Variants in PDZD7 observed in about 807,000 individuals in gnomAD.
The protein encoded by PDZD7 is PDZ domain-containing protein 7.
In PDZD7, 72 loss-of-function variants were observed where a neutral mutation model predicts 84.7. That is an observed-to-expected ratio of 0.85 (90% CI 0.70 to 1.03). The LOEUF (loss-of-function observed/expected upper bound fraction) is 1.03. Ranked by LOEUF, PDZD7 falls within the 50% of genes least tolerant of loss-of-function variation. The pLI is 0.00. For missense variants in PDZD7, 1,490 were observed against 1,412.9 expected (o/e 1.05, Z -0.87); for synonymous variants, 594 against 580.7 (o/e 1.02, Z -0.33).
intron 11 of PDZD7, among the ~76,000 whole-genome samples, chr10:101,015,286 C>T (rs1371584672): frequency 1.3e-5 from 2 of 152,182 alleles, no homozygotes; most frequent in Non-Finnish European, 2.9e-5. Flanking sequence ...CCTGTCCGCT[C>T]CTTCTCTTCT....
At chr10:101,016,660 T>C (rs1852644388) in intron 9 of PDZD7, among the ~76,000 whole-genome samples, 1 of 152,234 alleles carries the variant, frequency 6.6e-6, no homozygotes, top group South Asian at 2.1e-4. Flanking sequence ...GTCTGAGCAC[T>C]GCTTATGCAA....
At position 101,007,763 on chromosome 10, in the gene PDZD7, A is replaced by G; in HGVS notation, c.*704T>C. On this transcript the variant is annotated 3_prime_UTR_variant, in exon 17 of 17. Coordinates refer to ENST00000619208, the MANE Select transcript of PDZD7 (RefSeq NM_001195263.2). The stretch of plus-strand genomic sequence containing the variant: ...GGTTTATGGCCTCGTTTTCACTTGT[A>G]TATTTTTCACACTGTAAATTTCTTG... The G allele has an allele frequency of 1.7e-6, 1 of 588,752 alleles. No homozygotes were observed. Among genetic ancestry groups the G allele is most frequent in the Non-Finnish European group, 2.2e-6 (1 of 460,492 alleles). 36.5% of individuals were successfully genotyped at this position (588,752 alleles called of 1,614,324 possible). A position where few individuals can be genotyped will look rare whatever the true frequency, so the allele number is the denominator to read the frequency against.
At chr10:101,029,563 A>C (rs1360408488) in intron 2 of PDZD7, among the ~76,000 whole-genome samples, 1 of 152,200 alleles carries the variant, frequency 6.6e-6, no homozygotes, top group Non-Finnish European at 1.5e-5. Context: ...GACTCCTCGC[A>C]GCCCAGCACA....
In PDZD7 at chr10:101,011,929, C is replaced by T. The variant is rs560900265; in HGVS notation, c.1929G>A (p.Arg643=). Reference sequence around the variant, plus strand: ...GCCCCGCCCCCCACTGCTGACCTGCCCTGCTCTTGAGGGCCTCAAAAGCCT... The same window carrying T: ...GCCCCGCCCCCCACTGCTGACCTGCTCTGCTCTTGAGGGCCTCAAAAGCCT... The part of the protein sequence containing the change: ...ELEAFEALKS[R]AVRPPALRPA... Residue 643 remains arginine, a synonymous_variant, in exon 13 of 17, where the codon AGG becomes AGA. Transcript: ENST00000619208. 90 of 1,550,236 alleles carry T rather than the reference C, an allele frequency of 5.8e-5. 1 individual carries two copies. In the African/African-American group the frequency reaches 1.0e-3, roughly 17 times the overall value.
chr10:101,017,839 GA>G (rs1554834563), intron 9 of PDZD7: 18 of 91,142 alleles, frequency 2.0e-4, no homozygotes, highest in Middle Eastern at 3.6e-3. Context: ...AGGAAGGAAG[GA>G]AAGAAAGAAA....
Position 101,008,763 on chromosome 10 carries a change from G to C in PDZD7, c.2806C>G (p.Arg936Gly), listed in dbSNP as rs746485256. The stretch of plus-strand genomic sequence containing the variant: ...TCCATGGGCTCCCGGGCCTTGTTTC[G>C]ATAAGCCCGACGGATGGTGTCTACT... ...RAVDTIRRAY[R>G]NKAREPMELV... The change falls in exon 17 of 17, where the codon CGA (arginine) becomes GGA (glycine). Residue 936 changes from arginine (R) to glycine (G), a missense_variant. Physicochemically the swap from Arg to Gly is moderately radical, Grantham distance 125. Coordinates refer to ENST00000619208, the MANE Select transcript of PDZD7 (RefSeq NM_001195263.2). The C allele has an allele frequency of 1.3e-6, 2 of 1,535,688 alleles. No individual in the cohort carries two copies. The highest frequency in any genetic ancestry group is 3.9e-5 in the Admixed American group (2 of 50,964).
At chr10:101,008,904 G>A in intron 16 of PDZD7, 54 bp from the exon 17 acceptor site, 4 of 1,447,034 alleles carry the variant, frequency 2.8e-6, no homozygotes, top group Non-Finnish European at 3.6e-6. Context: ...CCCTGCATCA[G>A]CCCCCAACCT....
Position 101,022,596 on chromosome 10 carries a change from CT to C in PDZD7, c.543-212del, listed in dbSNP as rs1315085387. 0.041 allele frequency among the ~76,000 whole-genome samples: 5,760 copies of C among 140,762 alleles called. 169 individuals are homozygous for C. Among genetic ancestry groups the C allele is most frequent in the East Asian group, 0.17 (853 of 4,880 alleles). The allele number at this position is 140,762 out of a possible 152,430, so 92.3% of individuals were successfully genotyped here. On this transcript the variant is annotated intron_variant, in intron 4 of 16. Transcript: ENST00000619208. ...CAGCTGCAATGTGCCAGGACCATTC[CT>C]TTTTTTTTTTTTTTTGAGACAGGGT...
In PDZD7 at chr10:101,008,677, A is replaced by T. The variant is rs1212354465; in HGVS notation, c.2892T>A (p.Leu964=). 2.2e-5 allele frequency: 34 copies of T among 1,535,990 alleles called. No homozygotes were observed. Among genetic ancestry groups the T allele is most frequent in the Non-Finnish European group, 3.0e-5 (34 of 1,146,854 alleles). ...GGTCAGCAGGAAGGCCCCCATCAGT[A>T]AGGGCTGATGAGTCAGAGGGTGAGG... is the stretch of plus-strand genomic sequence containing the variant. The part of the protein sequence containing the change: ...PRPSPSDSSA[L]TDGGLPADHL... Residue 964 remains leucine (L), a synonymous_variant, in exon 17 of 17, where the codon CTT becomes CTA. Coordinates refer to ENST00000619208, the MANE Select transcript of PDZD7 (RefSeq NM_001195263.2).
chr10:101,029,961 C>A, intron 2 of PDZD7, 33 bp downstream of exon 2: 8 of 1,517,860 alleles, frequency 5.3e-6, no homozygotes, highest in Non-Finnish European at 7.3e-6. Flanking sequence ...CCACCCTCCC[C>A]AACCCAGGCC....
intron 2 of PDZD7, 56 bp from the exon 3 acceptor site, chr10:101,024,124 C>T (rs1937584839): frequency 2.5e-6 from 4 of 1,613,550 alleles, no homozygotes; most frequent in Non-Finnish European, 3.4e-6. Context: ...ACAGAGGGCC[C>T]CTGGGTTCCC....
chr10:101,023,704 CTCAA>C (rs1381071475), intron 3 of PDZD7, 94 bp from the exon 4 acceptor site: 8 of 1,509,234 alleles, frequency 5.3e-6, no homozygotes, highest in East Asian at 2.3e-5. Context: ...AACTGAGCTT[CTCAA>C]TCAGAGTGAG....
At position 101,008,250 on chromosome 10, in the gene PDZD7, A is replaced by G. The variant is rs1852283456; in HGVS notation, c.*217T>C. Reference sequence around the variant, plus strand: ...GGTTGGGGAGCAGTGAGTGCAGGTGACACAGGCTGCCCACTAGCACCTTGT... The same window carrying G: ...GGTTGGGGAGCAGTGAGTGCAGGTGGCACAGGCTGCCCACTAGCACCTTGT... On this transcript the variant is annotated 3_prime_UTR_variant, in exon 17 of 17. Coordinates refer to ENST00000619208, the MANE Select transcript of PDZD7 (RefSeq NM_001195263.2). The G allele has an allele frequency of 7.0e-6, 4 of 572,450 alleles. No individual in the cohort carries two copies. The South Asian group carries it at 1.2e-4, about 17-fold the overall frequency. The allele number at this position is 572,450 out of a possible 1,614,324, so 35.5% of individuals were successfully genotyped here.
At chr10:101,015,369 T>C (rs1204780136) in intron 11 of PDZD7, among the ~76,000 whole-genome samples, 6 of 152,164 alleles carry the variant, frequency 3.9e-5, no homozygotes, top group Admixed American at 2.6e-4. Context: ...TGGGTTACCG[T>C]CTCATGTTCT....
At chr10:101,011,783 T>C in intron 13 of PDZD7, 22 bp from the exon 14 acceptor site, 3 of 1,550,290 alleles carry the variant, frequency 1.9e-6, no homozygotes, top group Non-Finnish European at 2.6e-6. Flanking sequence ...GATGAACAGG[T>C]CAGCGGCAAG....
chr10:101,021,814 A>T lies in PDZD7; in HGVS notation c.851T>A (p.Ile284Asn), dbSNP rs756393788. 1.9e-6 allele frequency: 3 copies of T among 1,614,080 alleles called. No homozygotes were observed. Among genetic ancestry groups the T allele is most frequent in the Middle Eastern group, 1.6e-4 (1 of 6,062 alleles). ...TCTGCCCACCTTGATGGTCAGCATG[A>T]TGTGCGTTTGGCCCTTCAGCACCTC... ...AVEVLKGQTHIMLTIKETGRY... is the reference protein window; with the variant it reads ...AVEVLKGQTHNMLTIKETGRY... The change falls in exon 6 of 17, where the codon ATC (isoleucine) becomes AAC (asparagine). Residue 284 changes from isoleucine to asparagine, a missense_variant. Transcript: ENST00000619208.
At chr10:101,011,124 T>G in intron 14 of PDZD7, 3 of 1,255,248 alleles carry the variant, frequency 2.4e-6, no homozygotes, top group Non-Finnish European at 3.2e-6. Context: ...CACTGCAACC[T>G]CCACCTCCCA....
chr10:101,029,810 T>A (rs1022917770), intron 2 of PDZD7, among the ~76,000 whole-genome samples, 184 bp downstream of exon 2: 1 of 152,174 alleles, frequency 6.6e-6, no homozygotes, highest in Non-Finnish European at 1.5e-5. Context: ...AGGATTGGCC[T>A]GGAGGAGAGG....
At chr10:101,022,891 A>G (rs6584408) in intron 4 of PDZD7, among the ~76,000 whole-genome samples, 48,068 of 151,164 alleles carry the variant, frequency 0.32, 10,536 homozygotes, top group African/African-American at 0.63. Context: ...TCCTGCCTCA[A>G]CCTCTCAAGT....
Sources: allele counts gnomAD v4.1 joint callset (sites outside exome capture counted in the v4.1 genomes callset), GRCh38; gene constraint gnomAD v4.1.1; transcripts MANE v1.5; gene names NCBI Gene and HGNC (gene_info 2026-07-23, HGNC 2026-07-21).